UACA: variants seen among roughly 807,000 people sequenced by gnomAD.
The protein encoded by UACA is uveal autoantigen with coiled-coil domains and ankyrin repeats, also known as nuclear membrane binding protein.
In UACA, 112 loss-of-function variants were observed where a neutral mutation model predicts 160.5. That is an observed-to-expected ratio of 0.70 (90% confidence interval 0.60 to 0.82). The LOEUF is 0.82. Ranked by LOEUF, UACA falls within the 40% of genes least tolerant of loss-of-function variation. The pLI, the probability that UACA is intolerant of heterozygous loss-of-function variation, is 0.00. For synonymous variants in UACA, 557 were observed against 568.4 expected (o/e 0.98, Z 0.29); for missense variants, 1,574 against 1,614.6 (o/e 0.97, Z 0.43).
chr15:70,689,310 T>G (rs76585415), intron 5 of UACA, among the ~76,000 whole-genome samples: 1 of 152,184 alleles, frequency 6.6e-6, no homozygotes, highest in Admixed American at 6.5e-5. Flanking sequence ...TCTTTTGTTA[T>G]AGCAACTTAG....
chr15:70,669,339 T>A lies in UACA; in HGVS notation c.1345A>T (p.Met449Leu). Residue 449 changes from methionine to leucine, a missense_variant, in exon 16 of 19, where the codon ATG becomes TTG. By Grantham distance (15) the Met-to-Leu change is conservative. Coordinates refer to ENST00000322954, the MANE Select transcript of UACA (RefSeq NM_018003.4). ...NEILKKELEA[M>L]RTFCESAKQD... The stretch of plus-strand genomic sequence containing the variant: ...TTTGCTGACTCACAGAAAGTTCGCA[T>A]TGCTTCTAACTCTTTCTTTAAAATT... 1.2e-6 allele frequency: 2 copies of A among 1,614,094 alleles called. No homozygotes were observed. Among genetic ancestry groups the A allele is most frequent in the Non-Finnish European group, 1.7e-6 (2 of 1,179,986 alleles).
chr15:70,749,555 C>G (rs975460613), intron 1 of UACA, among the ~76,000 whole-genome samples: 125 of 150,690 alleles, frequency 8.3e-4, no homozygotes, highest in Admixed American at 1.3e-3. Context: ...AAAAATTAGC[C>G]AGGCGTAGTG....
intron 7 of UACA, among the ~76,000 whole-genome samples, chr15:70,685,462 C>T (rs984626199): frequency 6.6e-6 from 1 of 152,016 alleles, no homozygotes. Flanking sequence ...AAGCCTTGTC[C>T]CCCAACTCCC....
At chr15:70,743,609 C>T (rs192394875) in intron 1 of UACA, among the ~76,000 whole-genome samples, 478 of 152,144 alleles carry the variant, frequency 3.1e-3, no homozygotes, top group Admixed American at 5.4e-3. Flanking sequence ...AACAATTATG[C>T]AAATTTCAAA....
rs111913577 is a variant in UACA at position 70,669,594 on chromosome 15, G to GA, written c.1222-133dup. On this transcript the variant is annotated intron_variant, in intron 15 of 18. Coordinates refer to ENST00000322954, the MANE Select transcript of UACA (RefSeq NM_018003.4). ...GGTTTTCAGATTAGGCAGTAAGATG[G>GA]AAAAAAAATCACAATGCTGATTTTT... 2,282 of 657,476 alleles carry GA rather than the reference G, an allele frequency of 3.5e-3. 31 individuals carry two copies. In the African/African-American group the frequency reaches 0.039, roughly 11 times the overall value. 40.7% of individuals were successfully genotyped at this position (657,476 alleles called of 1,614,324 possible). A position where few individuals can be genotyped will look rare whatever the true frequency, so the allele number is the denominator to read the frequency against.
chr15:70,705,078 G>A (rs562356386), intron 1 of UACA, among the ~76,000 whole-genome samples: 44 of 152,214 alleles, frequency 2.9e-4, no homozygotes, highest in Admixed American at 2.5e-3. Context: ...CTATTGTTAC[G>A]GGCGCATACT....
intron 1 of UACA, among the ~76,000 whole-genome samples, chr15:70,755,578 G>C (rs2030371485): frequency 6.6e-6 from 1 of 151,718 alleles, no homozygotes; most frequent in Non-Finnish European, 1.5e-5. Context: ...GCTGAGGCAA[G>C]AGAATCTCTT....
intron 17 of UACA, among the ~76,000 whole-genome samples, chr15:70,662,103 T>C (rs528526400): frequency 1.3e-5 from 2 of 152,320 alleles, no homozygotes; most frequent in Non-Finnish European, 2.9e-5. Context: ...ATTGTATATC[T>C]AGAAAACCCC....
intron 1 of UACA, among the ~76,000 whole-genome samples, chr15:70,717,100 A>G (rs189913309): frequency 1.3e-5 from 2 of 152,310 alleles, no homozygotes; most frequent in Admixed American, 6.5e-5. Flanking sequence ...GCATGCCTGT[A>G]ATCCCAGCTA....
In UACA at chr15:70,695,007, G is replaced by A; in HGVS notation, c.301+10C>T. On this transcript the variant is annotated intron_variant, in intron 3 of 18. Coordinates refer to ENST00000322954, the MANE Select transcript of UACA (RefSeq NM_018003.4). ...TTATGTTTTATAATTAACTATGGAGGCAAACATACCTGCAGTGTCACTGGT... is the reference window on the plus strand; with the variant it reads ...TTATGTTTTATAATTAACTATGGAGACAAACATACCTGCAGTGTCACTGGT... 6.3e-7 allele frequency: 1 copy of A among 1,594,458 alleles called. No individual in the cohort carries two copies. Among genetic ancestry groups the A allele is most frequent in the Non-Finnish European group, 8.6e-7 (1 of 1,165,622 alleles).
rs1409751072 is a variant in UACA at position 70,667,355 on chromosome 15, T to C, written c.3329A>G (p.Gln1110Arg). ...ILAVQNLLQK[Q>R]HVPLEQVEAL... Reference sequence around the variant, plus strand: ...CTCAACCTGTTCCAATGGAACATGTTGTTTTTGCAAAAGATTTTGCACTGC... The same window carrying C: ...CTCAACCTGTTCCAATGGAACATGTCGTTTTTGCAAAAGATTTTGCACTGC... Residue 1110 changes from glutamine to arginine, a missense_variant, in exon 16 of 19, where the codon CAA (glutamine) becomes CGA (arginine). Transcript: ENST00000322954. The C allele has an allele frequency of 6.2e-7, 1 of 1,613,066 alleles. No homozygotes were observed. The highest frequency in any genetic ancestry group is 1.7e-4 in the Middle Eastern group (1 of 6,058).
chr15:70,667,202 T>C lies in UACA; in HGVS notation c.3482A>G (p.Asn1161Ser). The change falls in exon 16 of 19, where the codon AAC becomes AGC. Residue 1161 changes from asparagine to serine, a missense_variant. Physicochemically the swap from Asn to Ser is conservative, Grantham distance 46. Coordinates refer to ENST00000322954, the MANE Select transcript of UACA (RefSeq NM_018003.4). ...KLHQLLENQK[N>S]SSVPLAEHLQ... is the part of the protein sequence containing the mutation. ...ATGCTCTGCCAGGGGTACAGAAGAG[T>C]TCTTTTGATTCTCCAACAATTGATG... 1.9e-6 allele frequency: 3 copies of C among 1,613,870 alleles called. No individual in the cohort carries two copies. Among genetic ancestry groups the C allele is most frequent in the Non-Finnish European group, 2.5e-6 (3 of 1,179,940 alleles).
intron 1 of UACA, among the ~76,000 whole-genome samples, chr15:70,751,534 T>C (rs2030058050): frequency 6.6e-6 from 1 of 152,234 alleles, no homozygotes; most frequent in Non-Finnish European, 1.5e-5. Context: ...TTGTATCATT[T>C]AATGCTCACA....
At chr15:70,762,964 G>A (rs1370699721) in intron 1 of UACA, among the ~76,000 whole-genome samples, 1 of 151,186 alleles carries the variant, frequency 6.6e-6, no homozygotes, top group African/African-American at 2.5e-5. Flanking sequence ...GCAGCAGGGC[G>A]AGCGCCGGGA....
chr15:70,763,657 A>C, upstream of UACA: 1 of 571,082 alleles, frequency 1.8e-6, no homozygotes, highest in Admixed American at 4.4e-5. Flanking sequence ...ATGGGGCGGG[A>C]CTTCCCTTTT....
At chr15:70,710,834 G>A (rs977514955) in intron 1 of UACA, among the ~76,000 whole-genome samples, 12 of 152,314 alleles carry the variant, frequency 7.9e-5, no homozygotes, top group African/African-American at 2.6e-4. Context: ...CAGCAACCAG[G>A]AAGCTCTCTG....
intron 12 of UACA, 39 bp downstream of exon 12, chr15:70,677,069 A>G: frequency 8.4e-6 from 13 of 1,547,686 alleles, no homozygotes; most frequent in Non-Finnish European, 1.2e-5. Flanking sequence ...TTCAATTCCT[A>G]AAACAATTTT....
intron 1 of UACA, among the ~76,000 whole-genome samples, chr15:70,752,789 A>G (rs1041862943): frequency 2.0e-5 from 3 of 152,218 alleles, no homozygotes; most frequent in African/African-American, 7.2e-5. Flanking sequence ...ACACACACAC[A>G]CACCCCTCCA....
chr15:70,667,483 C>T lies in UACA; in HGVS notation c.3201G>A (p.Glu1067=). 1.9e-6 allele frequency: 3 copies of T among 1,610,982 alleles called. No homozygotes were observed. Among genetic ancestry groups the T allele is most frequent in the Non-Finnish European group, 2.5e-6 (3 of 1,179,694 alleles). The change falls in exon 16 of 19, where the codon GAG becomes GAA. Residue 1067 remains glutamate (E), a synonymous_variant. Coordinates refer to ENST00000322954, the MANE Select transcript of UACA (RefSeq NM_018003.4). The part of the protein sequence containing the change: ...MERALSRKTD[E]LNKQLKDLSQ... ...ACAAGTCTTTTAACTGTTTGTTTAGCTCGTCTGTTTTTCTGCTTAATGCTC... is the reference window on the plus strand; with the variant it reads ...ACAAGTCTTTTAACTGTTTGTTTAGTTCGTCTGTTTTTCTGCTTAATGCTC...
Sources: gnomAD v4.1 joint callset for allele counts (sites outside exome capture counted in the v4.1 genomes callset) on GRCh38, gnomAD v4.1.1 for gene constraint, MANE v1.5 for transcripts, NCBI Gene and HGNC (gene_info 2026-07-23, HGNC 2026-07-21) for gene names.